The following ANKRD66 variants were observed in gnomAD, a reference collection of about 807,000 sequenced individuals.
The protein encoded by ANKRD66 is ankyrin repeat domain-containing protein 66.
In ANKRD66, 10 loss-of-function variants were observed where a neutral mutation model predicts 10.9. The ratio of observed to expected loss-of-function variants is 0.91; its 90% CI spans 0.56 to 1.55. The LOEUF (loss-of-function observed/expected upper bound fraction) is 1.55. Among genes scored for constraint, ANKRD66 ranks in the 40% most tolerant of loss-of-function variants. The pLI, the probability that ANKRD66 is intolerant of heterozygous loss-of-function variation, is 0.00. For synonymous variants in ANKRD66, 85 were observed against 88.4 expected (o/e 0.96, Z 0.22); for missense variants, 252 against 242.9 (o/e 1.04, Z -0.25).
chr6:46,753,930 C>G lies in ANKRD66; in HGVS notation c.372C>G (p.Ala124=), dbSNP rs1454269152. ...KRIAQIYGQK[A]CVAFLEKAEP... ...TTGCACAGATCTATGGACAGAAAGC[C>G]TGTGTGGCATTTCTGGAAAAGTAAG... Residue 124 remains alanine, a synonymous_variant, in exon 4 of 5, where the codon GCC becomes GCG. Coordinates refer to ENST00000565422, the MANE Select transcript of ANKRD66 (RefSeq NM_001162435.3). The G allele has an allele frequency of 6.4e-7, 1 of 1,551,192 alleles. No individual in the cohort carries two copies. The highest frequency in any genetic ancestry group is 2.4e-5 in the East Asian group (1 of 40,926).
intron 2 of ANKRD66, among the ~76,000 whole-genome samples, 194 bp downstream of exon 2, chr6:46,750,173 C>T (rs1732128364): frequency 2.6e-5 from 4 of 152,146 alleles, no homozygotes. Context: ...AGCTCAGCTC[C>T]TTCTTTACGT....
In ANKRD66 at chr6:46,753,895, C is replaced by G; in HGVS notation, c.337C>G (p.Pro113Ala). The change falls in exon 4 of 5, where the codon CCG becomes GCG. Residue 113 changes from proline (P) to alanine (A), a missense_variant. Transcript: ENST00000565422. ...IDAPDFFGDT[P>A]KRIAQIYGQK... The stretch of plus-strand genomic sequence containing the variant: ...CGCCCCTGACTTCTTTGGAGACACA[C>G]CGAAGAGGATTGCACAGATCTATGG... 2 of 1,551,616 alleles carry G rather than the reference C, an allele frequency of 1.3e-6. No homozygotes were observed. The highest frequency in any genetic ancestry group is 1.7e-6 in the Non-Finnish European group (2 of 1,146,984).
At chr6:46,751,791 G>A (rs1018484174) in intron 2 of ANKRD66, 146 bp from the exon 3 acceptor site, 5 of 756,404 alleles carry the variant, frequency 6.6e-6, no homozygotes, top group Non-Finnish European at 5.8e-6. Flanking sequence ...AAGGTCTAAG[G>A]ACACACTCAT....
In ANKRD66 at chr6:46,749,920, T is replaced by C. The variant is rs1283091870; in HGVS notation, c.-72T>C. ...GGGCTGTTCTCACATTTCAATGCAC[T>C]CACCTGGAGGGCTTACCACAACAAA... On this transcript the variant is annotated 5_prime_UTR_variant, in exon 2 of 5. Transcript: ENST00000565422. 1.9e-6 allele frequency: 3 copies of C among 1,550,352 alleles called. No homozygotes were observed. Among genetic ancestry groups the C allele is most frequent in the Non-Finnish European group, 2.6e-6 (3 of 1,146,190 alleles).
rs547090364 is a variant in ANKRD66, at chr6:46,754,834, T to C, written c.392+884T>C. Among the ~76,000 whole-genome samples the C allele has an allele frequency of 1.4e-4, 22 of 152,336 alleles. No individual in the cohort carries two copies. The South Asian group carries it at 4.1e-3, about 29-fold the overall frequency. On this transcript the variant is annotated intron_variant, in intron 4 of 4. Coordinates refer to ENST00000565422, the MANE Select transcript of ANKRD66 (RefSeq NM_001162435.3). ...TATCCAATATCACAATTGAGATGCT[T>C]TGGGGAGTAAAGAGGCAGAACCTTG...
At chr6:46,749,106 C>T (rs1409780512) in intron 1 of ANKRD66, among the ~76,000 whole-genome samples, 2 of 152,216 alleles carry the variant, frequency 1.3e-5, no homozygotes, top group African/African-American at 4.8e-5. Context: ...CAAGCCCAGG[C>T]AATGCCCTCT....
At chr6:46,747,457 A>G (rs541882705) in intron 1 of ANKRD66, among the ~76,000 whole-genome samples, 8 of 152,170 alleles carry the variant, frequency 5.3e-5, no homozygotes, top group South Asian at 4.1e-4. Flanking sequence ...GTCACTCCCC[A>G]CCCCAACCTC....
At chr6:46,753,687 C>T (rs1308698852) in intron 3 of ANKRD66, 35 bp from the exon 4 acceptor site, 1 of 1,511,762 alleles carries the variant, frequency 6.6e-7, no homozygotes, top group African/African-American at 1.4e-5. Context: ...CATCTTTATC[C>T]TAACCTCATC....
chr6:46,757,894 T>C (rs575550055), intron 4 of ANKRD66: 1 of 152,328 alleles, frequency 6.6e-6, no homozygotes, highest in East Asian at 1.9e-4. Context: ...CTTGTTTACA[T>C]AAATAACACT....
Position 46,751,918 on chromosome 6 carries a change from T to G in ANKRD66, c.-12-19T>G. ...AAAGAGTTACATAGAATTTCCTAAGTGGCATGTCTCTCCCACAGTTGTTTT... is the reference window on the plus strand; with the variant it reads ...AAAGAGTTACATAGAATTTCCTAAGGGGCATGTCTCTCCCACAGTTGTTTT... On this transcript the variant is annotated intron_variant, in intron 2 of 4. Coordinates refer to ENST00000565422, the MANE Select transcript of ANKRD66 (RefSeq NM_001162435.3). 1 of 1,416,084 alleles carries G rather than the reference T, an allele frequency of 7.1e-7. No individual in the cohort carries two copies. The highest frequency in any genetic ancestry group is 1.6e-5 in the South Asian group (1 of 63,336). 87.7% of individuals were successfully genotyped at this position (1,416,084 alleles called of 1,614,324 possible). A position where few individuals can be genotyped will look rare whatever the true frequency, so the allele number is the denominator to read the frequency against.
In ANKRD66 at chr6:46,753,909, A is replaced by G; in HGVS notation, c.351A>G (p.Ala117=). The G allele has an allele frequency of 6.4e-7, 1 of 1,551,660 alleles. No homozygotes were observed. The change falls in exon 4 of 5, where the codon GCA becomes GCG. Residue 117 remains alanine, a synonymous_variant. Transcript: ENST00000565422. ...DFFGDTPKRI[A]QIYGQKACVA... is the part of the protein sequence containing the mutation. ...TTGGAGACACACCGAAGAGGATTGC[A>G]CAGATCTATGGACAGAAAGCCTGTG...
At chr6:46,749,106 C>A (rs1409780512) in intron 1 of ANKRD66, among the ~76,000 whole-genome samples, 1 of 152,334 alleles carries the variant, frequency 6.6e-6, no homozygotes, top group African/African-American at 2.4e-5. Flanking sequence ...CAAGCCCAGG[C>A]AATGCCCTCT....
At chr6:46,757,169 C>T (rs1766402133) in intron 4 of ANKRD66, 1 of 152,140 alleles carries the variant, frequency 6.6e-6, no homozygotes, top group Admixed American at 6.5e-5. Context: ...CCACTAAGAA[C>T]TTCCCTGACA....
At chr6:46,757,529 G>A (rs1254767792) in intron 4 of ANKRD66, 6 of 152,148 alleles carry the variant, frequency 3.9e-5, no homozygotes, top group Admixed American at 6.6e-5. Flanking sequence ...AGTTGGCAGT[G>A]GTACTGCGTG....
intron 2 of ANKRD66, among the ~76,000 whole-genome samples, chr6:46,751,035 TAA>T (rs1766258621): frequency 6.6e-6 from 1 of 152,194 alleles, no homozygotes; most frequent in African/African-American, 2.4e-5. Context: ...ACACATTCAT[TAA>T]GTCATGTAAT....
intron 2 of ANKRD66, among the ~76,000 whole-genome samples, chr6:46,751,540 A>G (rs952823513): frequency 6.6e-6 from 1 of 152,196 alleles, no homozygotes. Flanking sequence ...CTGGCAGATT[A>G]CATCCATTCT....
rs1582605708 is a variant in ANKRD66, at chr6:46,751,970, G to A, written c.22G>A (p.Asp8Asn). The change falls in exon 3 of 5, where the codon GAC becomes AAC. Residue 8 changes from aspartate (D) to asparagine (N), a missense_variant. Physicochemically the swap from Asp to Asn is conservative, Grantham distance 23. Coordinates refer to ENST00000565422, the MANE Select transcript of ANKRD66 (RefSeq NM_001162435.3). MELAKMS[D>N]MTKLHQAVAA... ...TGCCATGGAATTGGCCAAAATGTCA[G>A]ACATGACAAAGCTTCACCAAGCTGT... The A allele has an allele frequency of 2.0e-6, 3 of 1,472,874 alleles. No individual in the cohort carries two copies. In the East Asian group the frequency reaches 8.3e-5, roughly 41 times the overall value. 91.2% of individuals were successfully genotyped at this position (1,472,874 alleles called of 1,614,324 possible). A position where few individuals can be genotyped will look rare whatever the true frequency, so the allele number is the denominator to read the frequency against.
chr6:46,756,038 C>T (rs1288991125), intron 4 of ANKRD66: 4 of 437,260 alleles, frequency 9.1e-6, no homozygotes, highest in African/African-American at 2.0e-5. Context: ...AACTGAAACT[C>T]CACACCCATT....
chr6:46,753,981 G>A (rs1262219007), intron 4 of ANKRD66, 31 bp downstream of exon 4: 8 of 1,526,414 alleles, frequency 5.2e-6, no homozygotes, highest in African/African-American at 2.8e-5. Context: ...CCTATAGAAG[G>A]AGCAGAGGAA....
Sources: allele counts gnomAD v4.1 joint callset (sites outside exome capture counted in the v4.1 genomes callset), GRCh38; gene constraint gnomAD v4.1.1; transcripts MANE v1.5; gene names NCBI Gene and HGNC (gene_info 2026-07-23, HGNC 2026-07-21).